LRP1B: variants seen among roughly 807,000 people sequenced by gnomAD.
The protein encoded by LRP1B is low-density lipoprotein receptor-related protein 1B.
LRP1B carries 217 observed loss-of-function variants against 556.6 expected under a neutral mutation model. That is an observed-to-expected ratio of 0.39 (90% confidence interval 0.35 to 0.44). LRP1B has a LOEUF of 0.44. Ranked by LOEUF, LRP1B falls within the 20% of genes least tolerant of loss-of-function variation. The pLI, the probability that LRP1B is intolerant of heterozygous loss-of-function variation, is 1.00. For missense variants in LRP1B, 5,053 were observed against 5,620.8 expected (o/e 0.90, Z 3.23); for synonymous variants, 2,047 against 1,865.8 (o/e 1.10, Z -2.50).
chr2:141,263,045 ATTTTTAAT>A (rs929733406), intron 3 of LRP1B, among the ~76,000 whole-genome samples: 2 of 151,824 alleles, frequency 1.3e-5, no homozygotes, highest in Non-Finnish European at 2.9e-5. Context: ...ATATGCATTT[ATTTTTAAT>A]TTTTTAAATT....
intron 18 of LRP1B, among the ~76,000 whole-genome samples, chr2:140,963,102 G>A (rs1696086551): frequency 6.6e-6 from 1 of 152,154 alleles, no homozygotes. Flanking sequence ...AGGCAAAGAT[G>A]CATATAGCTT....
intron 2 of LRP1B, 107 bp downstream of exon 2, chr2:141,810,161 GAAAGAAGGAAA>G (rs2105706366): frequency 5.2e-6 from 2 of 385,054 alleles, no homozygotes; most frequent in South Asian, 1.4e-4. Flanking sequence ...AAGAAAGAAA[GAAAGAAGGAAA>G]GAAAGAAAGA....
intron 25 of LRP1B, among the ~76,000 whole-genome samples, chr2:140,868,546 C>A (rs1377969838): frequency 6.6e-6 from 1 of 151,920 alleles, no homozygotes; most frequent in Non-Finnish European, 1.5e-5. Context: ...GAAAAAAGCA[C>A]TTTGAGGAGT....
chr2:140,659,807 C>T (rs149811215), intron 41 of LRP1B, among the ~76,000 whole-genome samples: 4,267 of 151,860 alleles, frequency 0.028, 109 homozygotes, highest in Admixed American at 0.055. Flanking sequence ...ATTAGGGTTA[C>T]GAGACTAGTG....
chr2:141,276,203 T>C (rs1335288147), intron 3 of LRP1B, among the ~76,000 whole-genome samples: 1 of 152,236 alleles, frequency 6.6e-6, no homozygotes, highest in Non-Finnish European at 1.5e-5. Flanking sequence ...CTCAACCTGT[T>C]TGTGGTTTCA....
rs1182596245 is a variant in LRP1B, at chr2:140,721,709, G to T, written c.5759-4893C>A. ...AATACAGGCGCCCACCAGCACACCC[G>T]GCTATTTTTTTTTTTTTTTTTGTAT... On this transcript the variant is annotated intron_variant, in intron 35 of 90. Transcript: ENST00000389484. Among the ~76,000 whole-genome samples, 6 of 94,252 alleles carry T rather than the reference G, an allele frequency of 6.4e-5. No homozygotes were observed. The East Asian group carries it at 1.7e-3, about 26-fold the overall frequency. 61.8% of individuals were successfully genotyped at this position (94,252 alleles called of 152,430 possible).
In LRP1B at chr2:141,454,398, C is replaced by A. The variant is rs141037271; in HGVS notation, c.343+25998G>T. On this transcript the variant is annotated intron_variant, in intron 3 of 90. Coordinates refer to ENST00000389484, the MANE Select transcript of LRP1B (RefSeq NM_018557.3). ...AACAGCAAGACAAGAGAAGTGCTGG[C>A]AAGAACTCCCTACCTCTCATTAAGA... Among the ~76,000 whole-genome samples, 360 of 152,238 alleles carry A rather than the reference C, an allele frequency of 2.4e-3. 2 individuals carry two copies. Among genetic ancestry groups the A allele is most frequent in the African/African-American group, 8.4e-3 (350 of 41,552 alleles).
intron 35 of LRP1B, among the ~76,000 whole-genome samples, chr2:140,725,523 C>T (rs914201824): frequency 5.1e-5 from 6 of 117,512 alleles, no homozygotes; most frequent in African/African-American, 1.4e-4. Context: ...CATCACACAC[C>T]GGGGCCTGTC....
intron 1 of LRP1B, among the ~76,000 whole-genome samples, chr2:141,865,313 C>T (rs1000928934): frequency 2.6e-5 from 4 of 152,038 alleles, no homozygotes; most frequent in Non-Finnish European, 4.4e-5. Context: ...ACAGAAATGG[C>T]CGGGCGCGGT....
At chr2:141,965,793 G>A (rs1183659785) in intron 1 of LRP1B, among the ~76,000 whole-genome samples, 1 of 128,172 alleles carries the variant, frequency 7.8e-6, no homozygotes, top group African/African-American at 3.0e-5. Context: ...AAATAAATAT[G>A]TATCCAAAAA....
intron 3 of LRP1B, among the ~76,000 whole-genome samples, chr2:141,467,805 G>T (rs1323906658): frequency 2.7e-4 from 2 of 7,464 alleles, no homozygotes; most frequent in Non-Finnish European, 2.0e-3. Flanking sequence ...ACTGCTTTTT[G>T]TTTGTTTGTT....
chr2:140,657,620 T>TAC (rs1553507875), intron 41 of LRP1B, among the ~76,000 whole-genome samples: 3,066 of 137,710 alleles, frequency 0.022, 68 homozygotes, highest in Admixed American at 0.049. Context: ...TATACATACA[T>TAC]ATATACATAC....
At position 140,319,811 on chromosome 2, in the gene LRP1B, G is replaced by C. The variant is rs182226596; in HGVS notation, c.12640+2152C>G. On this transcript the variant is annotated intron_variant, in intron 82 of 90. Coordinates refer to ENST00000389484, the MANE Select transcript of LRP1B (RefSeq NM_018557.3). ...TTCCCCTATCACAGTTGAGATAACA[G>C]CTACTCTGACTGGGAGAATGGATAA... Among the ~76,000 whole-genome samples the C allele has an allele frequency of 2.6e-3, 389 of 152,240 alleles. 2 individuals carry two copies. The highest frequency in any genetic ancestry group is 8.9e-3 in the African/African-American group (368 of 41,546).
At chr2:141,477,261 C>T (rs756137582) in intron 3 of LRP1B, among the ~76,000 whole-genome samples, 1 of 128,526 alleles carries the variant, frequency 7.8e-6, no homozygotes, top group Admixed American at 8.1e-5. Flanking sequence ...AAAAAGGATG[C>T]AATGTAAAAA....
intron 18 of LRP1B, among the ~76,000 whole-genome samples, chr2:140,974,243 TGTTGA>T (rs1164476475): frequency 6.6e-6 from 1 of 152,206 alleles, no homozygotes; most frequent in Non-Finnish European, 1.5e-5. Flanking sequence ...CCCTCTGAAA[TGTTGA>T]GTTATTTCTG....
chr2:141,771,765 A>G (rs2105617005), intron 2 of LRP1B, among the ~76,000 whole-genome samples: 1 of 152,258 alleles, frequency 6.6e-6, no homozygotes, highest in East Asian at 1.9e-4. Context: ...TGGTGTTCTT[A>G]TATTGAGAGA....
chr2:141,752,225 G>A (rs538166584), intron 2 of LRP1B, among the ~76,000 whole-genome samples: 9 of 152,008 alleles, frequency 5.9e-5, no homozygotes, highest in Admixed American at 2.6e-4. Flanking sequence ...AATTTTCTGT[G>A]CTGTAGTTAC....
chr2:141,028,300 A>G (rs1238024439), intron 11 of LRP1B, among the ~76,000 whole-genome samples: 5 of 151,712 alleles, frequency 3.3e-5, no homozygotes, highest in African/African-American at 1.2e-4. Flanking sequence ...GTATTAGTGA[A>G]TAATAACTTA....
At chr2:140,407,571 T>G (rs1684795564) in intron 66 of LRP1B, among the ~76,000 whole-genome samples, 1 of 151,770 alleles carries the variant, frequency 6.6e-6, no homozygotes. Flanking sequence ...AACAAACATA[T>G]AAAAAATGCT....
Sources: allele counts gnomAD v4.1 joint callset (sites outside exome capture counted in the v4.1 genomes callset), GRCh38; gene constraint gnomAD v4.1.1; transcripts MANE v1.5; gene names NCBI Gene and HGNC (gene_info 2026-07-23, HGNC 2026-07-21).